The following HDAC2 variants were observed in gnomAD, a reference collection of about 807,000 sequenced individuals.
The protein encoded by HDAC2 is YY1-associated factor 1.
In HDAC2, 5 loss-of-function variants were observed where a neutral mutation model predicts 68.5. That is an observed-to-expected ratio of 0.07 (90% CI 0.04 to 0.15). HDAC2 has a LOEUF of 0.15. HDAC2 is among the 10% of genes least tolerant of loss of function. The pLI is 1.00. For missense variants in HDAC2, 291 were observed against 600.8 expected (o/e 0.48, Z 5.39); for synonymous variants, 182 against 191.3 (o/e 0.95, Z 0.40).
rs1369091809 is a variant in HDAC2, at chr6:113,948,727, C to CA, written c.841+251dup. ...TATTTACACTGAGTCAACAACCATTCAAAAATAGCTGCCTTGGGTTCAAAC... is the reference window on the plus strand; with the variant it reads ...TATTTACACTGAGTCAACAACCATTCAAAAAATAGCTGCCTTGGGTTCAAAC... On this transcript the variant is annotated intron_variant, in intron 8 of 13. Coordinates refer to ENST00000519065, the MANE Select transcript of HDAC2 (RefSeq NM_001527.4). The CA allele has an allele frequency of 9.8e-6, 4 of 407,472 alleles. No homozygotes were observed. In the East Asian group the frequency reaches 1.2e-4, roughly 12 times the overall value. 25.2% of individuals were successfully genotyped at this position (407,472 alleles called of 1,614,324 possible). A position where few individuals can be genotyped will look rare whatever the true frequency, so the allele number is the denominator to read the frequency against.
rs1439795088 is a variant in HDAC2 at position 113,937,270 on chromosome 6, TTAC to T, written c.*3785_*3787del. 4 of 152,208 alleles carry T rather than the reference TTAC, an allele frequency of 2.6e-5. No individual in the cohort carries two copies. Among genetic ancestry groups the T allele is most frequent in the Non-Finnish European group, 4.4e-5 (3 of 68,026 alleles). The allele number at this position is 152,208 out of a possible 1,614,324, so 9.4% of individuals were successfully genotyped here. On this transcript the variant is annotated 3_prime_UTR_variant, in exon 14 of 14. Transcript: ENST00000519065. Reference sequence around the variant, plus strand: ...AGTTATCAAAAAAACTTCAGCAGTATTACTACATCAAAACCATAAAAAACAGAA... The same window carrying T: ...AGTTATCAAAAAAACTTCAGCAGTATTACATCAAAACCATAAAAAACAGAA...
intron 10 of HDAC2, among the ~76,000 whole-genome samples, 176 bp from the exon 11 acceptor site, chr6:113,944,586 C>T (rs867309094): frequency 1.2e-4 from 18 of 152,098 alleles, no homozygotes; most frequent in African/African-American, 3.9e-4. Context: ...CTCACTGCAG[C>T]CTCAAACTCC....
At chr6:113,959,622 CT>C (rs1776634003) in intron 2 of HDAC2, 1 of 144,958 alleles carries the variant, frequency 6.9e-6, no homozygotes, top group Non-Finnish European at 1.5e-5. Flanking sequence ...AAAAAAAATA[CT>C]TAATATGCTA....
chr6:113,970,448 G>A, intron 1 of HDAC2: 3 of 1,049,838 alleles, frequency 2.9e-6, no homozygotes, highest in Non-Finnish European at 3.4e-6. Flanking sequence ...ACGGGTCGAG[G>A]GGGTAGGAGG....
intron 4 of HDAC2, 90 bp from the exon 5 acceptor site, chr6:113,956,241 A>ATT (rs1776549693): frequency 9.6e-7 from 1 of 1,041,296 alleles, no homozygotes; most frequent in Admixed American, 2.5e-5. Flanking sequence ...TATGCCATGC[A>ATT]TAAGCAAGAG....
At chr6:113,949,295 T>C (rs780902959) in intron 6 of HDAC2, 35 bp from the exon 7 acceptor site, 1 of 1,286,448 alleles carries the variant, frequency 7.8e-7, no homozygotes, top group African/African-American at 1.5e-5. Flanking sequence ...TTAGAGAATA[T>C]TCTATAATAA....
At position 113,959,996 on chromosome 6, in the gene HDAC2, A is replaced by G. The variant is rs1582493551; in HGVS notation, c.75T>C (p.Tyr25=). The G allele has an allele frequency of 6.4e-7, 1 of 1,563,964 alleles. No homozygotes were observed. Among genetic ancestry groups the G allele is most frequent in the Non-Finnish European group, 8.8e-7 (1 of 1,134,870 alleles). Residue 25 remains tyrosine, a synonymous_variant, in exon 2 of 14, where the codon TAT becomes TAC. Coordinates refer to ENST00000519065, the MANE Select transcript of HDAC2 (RefSeq NM_001527.4). ...YYDGDIGNYY[Y]GQGHPMKPHR... ...GAGGCTTCATGGGATGACCCTGTCC[A>G]TAATAATAATTTCCAATATCACCTA...
chr6:113,962,637 G>A (rs938183470), intron 1 of HDAC2, among the ~76,000 whole-genome samples: 1 of 152,134 alleles, frequency 6.6e-6, no homozygotes, highest in African/African-American at 2.4e-5. Context: ...TGTATACAGG[G>A]CAGCCAAGCT....
At chr6:113,941,121 T>C (rs570917712) in intron 13 of HDAC2, 33 bp from the exon 14 acceptor site, 4 of 1,585,436 alleles carry the variant, frequency 2.5e-6, no homozygotes, top group East Asian at 2.3e-5. Context: ...ATATTAAAAA[T>C]GGCACAATCT....
At position 113,933,243 on chromosome 6, in the gene HDAC2, T is replaced by C. The variant is rs1357023955; in HGVS notation, c.*7815A>G. ...AAATTGAAATCATGCATTACCTGAC[T>C]GGGTGCACTGAGAACACAGCATCAT... On this transcript the variant is annotated 3_prime_UTR_variant, in exon 14 of 14. Coordinates refer to ENST00000519065, the MANE Select transcript of HDAC2 (RefSeq NM_001527.4). The C allele has an allele frequency of 6.6e-6, 1 of 152,220 alleles. No homozygotes were observed. Among genetic ancestry groups the C allele is most frequent in the East Asian group, 1.9e-4 (1 of 5,194 alleles). The allele number at this position is 152,220 out of a possible 1,614,324, so 9.4% of individuals were successfully genotyped here. A position where few individuals can be genotyped will look rare whatever the true frequency, so the allele number is the denominator to read the frequency against.
chr6:113,969,556 A>C (rs1776923731), intron 1 of HDAC2: 4 of 152,210 alleles, frequency 2.6e-5, no homozygotes, highest in Non-Finnish European at 4.4e-5. Flanking sequence ...CAGGAGAAGG[A>C]GCCTAGGATA....
At chr6:113,944,205 A>C (rs993877578) in intron 11 of HDAC2, 75 bp downstream of exon 11, 2 of 1,234,760 alleles carry the variant, frequency 1.6e-6, no homozygotes, top group African/African-American at 3.0e-5. Flanking sequence ...CTTTATAGTG[A>C]AGTTCTTAGG....
chr6:113,946,361 A>C (rs1776264343), intron 8 of HDAC2: 1 of 370,334 alleles, frequency 2.7e-6, no homozygotes, highest in East Asian at 4.6e-5. Context: ...AGATATAACT[A>C]GCTATTTTAG....
At chr6:113,969,370 G>C (rs952208957) in intron 1 of HDAC2, among the ~76,000 whole-genome samples, 1 of 152,210 alleles carries the variant, frequency 6.6e-6, no homozygotes, top group African/African-American at 2.4e-5. Context: ...GTCATTAAAA[G>C]ATTAATCCTT....
In HDAC2 at chr6:113,946,195, A is replaced by G. The variant is rs562803714; in HGVS notation, c.842-47T>C. On this transcript the variant is annotated intron_variant, in intron 8 of 13. Transcript: ENST00000519065. ...AACAACAAAATCTGCATACTGCAAC[A>G]GTTCGAAAAATAAATTTTAAAAAGA... is the stretch of plus-strand genomic sequence containing the variant. 1.5e-5 allele frequency: 23 copies of G among 1,496,740 alleles called. No individual in the cohort carries two copies. In the African/African-American group the frequency reaches 2.5e-4, roughly 16 times the overall value. The allele number at this position is 1,496,740 out of a possible 1,614,324, so 92.7% of individuals were successfully genotyped here.
At chr6:113,948,925 T>C in intron 8 of HDAC2, 54 bp downstream of exon 8, 1 of 1,590,530 alleles carries the variant, frequency 6.3e-7, no homozygotes, top group Non-Finnish European at 8.6e-7. Context: ...GGGGAGTTCT[T>C]GGGTGGAAGA....
chr6:113,963,368 G>A (rs1448960649), intron 1 of HDAC2, among the ~76,000 whole-genome samples: 1 of 152,138 alleles, frequency 6.6e-6, no homozygotes, highest in African/African-American at 2.4e-5. Flanking sequence ...ACAGATGTGA[G>A]CCACTGTGCC....
intron 1 of HDAC2, chr6:113,962,350 A>G: frequency 4.5e-6 from 4 of 884,544 alleles, no homozygotes; most frequent in Non-Finnish European, 5.4e-6. Flanking sequence ...ACAACAGGGA[A>G]TGTCAAGGAC....
At chr6:113,958,410 G>T in intron 3 of HDAC2, 1 of 352,092 alleles carries the variant, frequency 2.8e-6, no homozygotes, top group Non-Finnish European at 5.1e-6. Flanking sequence ...AAAGTTATCA[G>T]GGGAGCAAAC....
Sources: gnomAD v4.1 joint callset for allele counts (sites outside exome capture counted in the v4.1 genomes callset) on GRCh38, gnomAD v4.1.1 for gene constraint, MANE v1.5 for transcripts, NCBI Gene and HGNC (gene_info 2026-07-23, HGNC 2026-07-21) for gene names.